CACNA1H: variants seen among roughly 807,000 people sequenced by gnomAD.
CACNA1H encodes the protein calcium voltage-gated channel subunit alpha1 H.
CACNA1H carries 149 observed loss-of-function variants against 192.5 expected under a neutral mutation model. The observed-to-expected ratio is 0.77, with a 90% confidence interval of 0.68 to 0.89. The LOEUF (loss-of-function observed/expected upper bound fraction) is 0.89. CACNA1H is among the 40% of genes least tolerant of loss of function. The probability of loss-of-function intolerance (pLI) is 0.00; values close to 1 mark genes in which losing one functional copy is unlikely to be tolerated. For synonymous variants in CACNA1H, 2,202 were observed against 1,475.2 expected, an observed-to-expected ratio of 1.49 and a Z score of -11.29; for missense variants, 4,257 against 3,423.5, an observed-to-expected ratio of 1.24 and a Z score of -6.08.
intron 2 of CACNA1H, among the ~76,000 whole-genome samples, chr16:1,173,559 C>T (rs924994757): frequency 2.0e-5 from 3 of 152,236 alleles, no homozygotes; most frequent in South Asian, 2.1e-4. Flanking sequence ...TAACATAACA[C>T]GTCCTTTTAT....
chr16:1,201,569 G>A (rs1229802385), intron 8 of CACNA1H, 94 bp from the exon 9 acceptor site: 6 of 1,413,140 alleles, frequency 4.2e-6, no homozygotes, highest in Non-Finnish European at 5.7e-6. Flanking sequence ...CCTGTGACGC[G>A]GCCCCCACTC....
chr16:1,221,049 GGGTGGA>G lies in CACNA1H; in HGVS notation c.*58_*63del. The G allele has an allele frequency of 3.7e-6, 5 of 1,367,214 alleles. No homozygotes were observed. The highest frequency in any genetic ancestry group is 4.9e-6 in the Non-Finnish European group (5 of 1,015,374). 84.7% of individuals were successfully genotyped at this position (1,367,214 alleles called of 1,614,324 possible). A position where few individuals can be genotyped will look rare whatever the true frequency, so the allele number is the denominator to read the frequency against. ...GCCCTGGGGTCTGGGGGCCCCGCTG[GGGTGGA>G]GGCCCAGGCAGAACCCTGCATGGAC... On this transcript the variant is annotated 3_prime_UTR_variant, in exon 35 of 35. Coordinates refer to ENST00000348261, the MANE Select transcript of CACNA1H (RefSeq NM_021098.3).
intron 16 of CACNA1H, among the ~76,000 whole-genome samples, chr16:1,208,563 C>T (rs1045293550): frequency 1.3e-5 from 2 of 152,182 alleles, no homozygotes; most frequent in Non-Finnish European, 2.9e-5. Context: ...CCAGAAGCAG[C>T]CCGATTCCCT....
intron 2 of CACNA1H, among the ~76,000 whole-genome samples, chr16:1,194,388 C>T (rs886189983): frequency 1.2e-4 from 19 of 152,318 alleles, no homozygotes; most frequent in African/African-American, 4.1e-4. Context: ...CTCCCTCCTT[C>T]CTCTGGTTCC....
Position 1,207,837 on chromosome 16 carries a change from A to G in CACNA1H, c.3131A>G (p.Lys1044Arg). ...TSVHFEEDFH[K>R]LRELQTTELK... Reference sequence around the variant, plus strand: ...GTCCACTTCGAGGAGGACTTCCACAAGCTCAGAGAACTCCAGACCACAGGT... The same window carrying G: ...GTCCACTTCGAGGAGGACTTCCACAGGCTCAGAGAACTCCAGACCACAGGT... Residue 1044 changes from lysine (K) to arginine (R), a missense_variant, in exon 15 of 35, where the codon AAG becomes AGG. Coordinates refer to ENST00000348261, the MANE Select transcript of CACNA1H (RefSeq NM_021098.3). 6.3e-7 allele frequency: 1 copy of G among 1,598,762 alleles called. No individual in the cohort carries two copies. Among genetic ancestry groups the G allele is most frequent in the Non-Finnish European group, 8.5e-7 (1 of 1,173,080 alleles).
chr16:1,210,561 C>T lies in CACNA1H; in HGVS notation c.3970-22C>T, dbSNP rs369928299. 2.1e-4 allele frequency: 337 copies of T among 1,610,012 alleles called. No individual in the cohort carries two copies. In the African/African-American group the frequency reaches 3.4e-3, roughly 16 times the overall value. On this transcript the variant is annotated intron_variant, in intron 19 of 34. Transcript: ENST00000348261. ...AGGGAGGGGTGGAGTGGACACAGCC[C>T]CCCACCGTCCTCTCCCGGCAGGAGC...
chr16:1,206,247 C>T lies in CACNA1H; in HGVS notation c.2747C>T (p.Ala916Val), dbSNP rs763807349. ...VVLVKTMDNV[A>V]TFCTLLMLFI... ...CTGGTGAAGACCATGGACAACGTGG[C>T]TACCTTCTGCACGCTGCTCATGCTC... The change falls in exon 12 of 35, where the codon GCT (alanine) becomes GTT (valine). Residue 916 changes from alanine to valine, a missense_variant. Ala to Val is a moderately conservative substitution (Grantham distance 64). Coordinates refer to ENST00000348261, the MANE Select transcript of CACNA1H (RefSeq NM_021098.3). 3.2e-6 allele frequency: 5 copies of T among 1,587,250 alleles called. No homozygotes were observed. Among genetic ancestry groups the T allele is most frequent in the Non-Finnish European group, 8.6e-7 (1 of 1,168,100 alleles).
intron 2 of CACNA1H, among the ~76,000 whole-genome samples, chr16:1,172,626 C>T (rs563249952): frequency 1.9e-4 from 29 of 152,266 alleles, no homozygotes; most frequent in South Asian, 6.2e-4. Flanking sequence ...TGTAATTAAA[C>T]GATTTATTAT....
rs537055062 is a variant in CACNA1H, at chr16:1,218,001, C to G, written c.5406C>G (p.Phe1802Leu). 1.2e-6 allele frequency: 2 copies of G among 1,602,450 alleles called. No homozygotes were observed. The highest frequency in any genetic ancestry group is 1.7e-5 in the Admixed American group (1 of 58,834). Residue 1802 changes from phenylalanine (F) to leucine (L), a missense_variant, in exon 32 of 35, where the codon TTC (phenylalanine) becomes TTG (leucine). By Grantham distance (22) the Phe-to-Leu change is conservative. Coordinates refer to ENST00000348261, the MANE Select transcript of CACNA1H (RefSeq NM_021098.3). Reference sequence around the variant, plus strand: ...TCGGCATGGCCTTCCTCACGCTGTTCCGCGTGTCCACGGGGGACAACTGGA... The same window carrying G: ...TCGGCATGGCCTTCCTCACGCTGTTGCGCGTGTCCACGGGGGACAACTGGA... ...SNFGMAFLTL[F>L]RVSTGDNWNG...
chr16:1,168,438 G>T (rs572194423), intron 2 of CACNA1H, among the ~76,000 whole-genome samples: 2 of 152,178 alleles, frequency 1.3e-5, no homozygotes, highest in African/African-American at 4.8e-5. Context: ...GGAGGCTGCT[G>T]GACTTGTGAT....
At chr16:1,219,281 TTGG>T (rs1970291355) in intron 34 of CACNA1H, among the ~76,000 whole-genome samples, 151 bp downstream of exon 34, 1 of 152,140 alleles carries the variant, frequency 6.6e-6, no homozygotes, top group African/African-American at 2.4e-5. Flanking sequence ...TGCCTGCTGC[TTGG>T]TGGATCTTGG....
chr16:1,214,893 T>G, intron 27 of CACNA1H, 79 bp from the exon 28 acceptor site: 2 of 1,093,954 alleles, frequency 1.8e-6, no homozygotes, highest in Non-Finnish European at 2.7e-6. Context: ...GCGGGGGCAC[T>G]CGGGCGTGCA....
chr16:1,182,277 G>T (rs1168948440), intron 2 of CACNA1H, among the ~76,000 whole-genome samples: 1 of 152,192 alleles, frequency 6.6e-6, no homozygotes, highest in Non-Finnish European at 1.5e-5. Context: ...GGCCAGGGCC[G>T]CTCTCTGTGG....
chr16:1,209,526 G>A (rs1292365436), intron 17 of CACNA1H, 114 bp downstream of exon 17: 2 of 1,301,646 alleles, frequency 1.5e-6, no homozygotes, highest in Non-Finnish European at 2.1e-6. Flanking sequence ...AGGGGATTCA[G>A]AAGGGGAGAG....
In CACNA1H at chr16:1,200,713, C is replaced by T. The variant is rs559931034; in HGVS notation, c.1120-3C>T. On this transcript the variant is annotated splice_polypyrimidine_tract_variant and splice_region_variant and intron_variant, in intron 7 of 34. Transcript: ENST00000348261. ...GGCCCAAGTCAAGCCACTGCCCCCC[C>T]AGGTGATCACGCTGGAAGGCTGGGT... 22 of 1,564,568 alleles carry T rather than the reference C, an allele frequency of 1.4e-5. No individual in the cohort carries two copies. Among genetic ancestry groups the T allele is most frequent in the Admixed American group, 5.7e-5 (3 of 52,436 alleles).
At position 1,204,449 on chromosome 16, in the gene CACNA1H, C is replaced by T. The variant is rs758897141; in HGVS notation, c.2442C>T (p.Tyr814=). 31 of 1,533,064 alleles carry T rather than the reference C, an allele frequency of 2.0e-5. No individual in the cohort carries two copies. The highest frequency in any genetic ancestry group is 2.5e-5 in the Non-Finnish European group (29 of 1,140,628). 95.0% of individuals were successfully genotyped at this position (1,533,064 alleles called of 1,614,324 possible). A position where few individuals can be genotyped will look rare whatever the true frequency, so the allele number is the denominator to read the frequency against. Residue 814 remains tyrosine, a synonymous_variant, in exon 10 of 35, where the codon TAC becomes TAT. Coordinates refer to ENST00000348261, the MANE Select transcript of CACNA1H (RefSeq NM_021098.3). The part of the protein sequence containing the change: ...LVNTLSMGVE[Y]HEQPEELTNA... ...ACACGCTGAGCATGGGCGTGGAGTA[C>T]CATGAGCAGGTGCGGGCTGGCCTGG...
chr16:1,207,557 T>C, intron 14 of CACNA1H, 127 bp downstream of exon 14: 8 of 1,155,068 alleles, frequency 6.9e-6, no homozygotes, highest in African/African-American at 3.1e-5. Flanking sequence ...CTGGCTGCCA[T>C]GAGGAGAGGG....
At chr16:1,186,273 C>A (rs555113975) in intron 2 of CACNA1H, among the ~76,000 whole-genome samples, 2 of 152,054 alleles carry the variant, frequency 1.3e-5, no homozygotes, top group East Asian at 1.9e-4. Flanking sequence ...TAAGAATGCG[C>A]GGCTCCCTCG....
At chr16:1,155,643 C>T (rs553076360) in intron 2 of CACNA1H, among the ~76,000 whole-genome samples, 15 of 152,054 alleles carry the variant, frequency 9.9e-5, no homozygotes, top group African/African-American at 3.6e-4. Context: ...GCTGCCCCAT[C>T]CCCAAGCAGG....
Sources: gnomAD v4.1 joint callset for allele counts (sites outside exome capture counted in the v4.1 genomes callset) on GRCh38, gnomAD v4.1.1 for gene constraint, MANE v1.5 for transcripts, NCBI Gene and HGNC (gene_info 2026-07-23, HGNC 2026-07-21) for gene names.